Variants in NRP1 observed in about 807,000 individuals in gnomAD.
NRP1 encodes the protein neuropilin-1.
A neutral mutation model predicts 106.7 loss-of-function variants in NRP1; 35 were observed. The observed-to-expected ratio is 0.33, with a 90% CI of 0.25 to 0.43. NRP1 has a LOEUF of 0.43. Among genes scored for constraint, NRP1 ranks in the 20% least tolerant of loss-of-function variants. NRP1 has a pLI of 1.00. For missense variants in NRP1, 1,024 were observed against 1,170.4 expected (o/e 0.87, Z 1.83); for synonymous variants, 437 against 417.9 (o/e 1.05, Z -0.56).
intron 1 of NRP1, among the ~76,000 whole-genome samples, chr10:33,331,229 C>A (rs1001888764): frequency 6.6e-6 from 1 of 152,134 alleles, no homozygotes; most frequent in South Asian, 2.1e-4. Flanking sequence ...CTTAATTATC[C>A]CCCAAGAAGT....
chr10:33,233,786 T>C (rs1269667617), intron 6 of NRP1, among the ~76,000 whole-genome samples: 1 of 152,192 alleles, frequency 6.6e-6, no homozygotes, highest in Non-Finnish European at 1.5e-5. Flanking sequence ...GGATTTTCTT[T>C]GGGGCATCTC....
intron 4 of NRP1, among the ~76,000 whole-genome samples, chr10:33,257,677 A>G (rs1842291482): frequency 6.6e-6 from 1 of 152,126 alleles, no homozygotes; most frequent in Non-Finnish European, 1.5e-5. Flanking sequence ...AACTGGCCAC[A>G]CCTTTGTTGA....
At position 33,216,474 on chromosome 10, in the gene NRP1, G is replaced by C. The variant is rs1838784531; in HGVS notation, c.1283-2757C>G. Reference sequence around the variant, plus strand: ...CTTTTTTTTAATTTTTATTTTTAGAGACAGGGTCTCACTCTGTCACCCAGG... The same window carrying C: ...CTTTTTTTTAATTTTTATTTTTAGACACAGGGTCTCACTCTGTCACCCAGG... On this transcript the variant is annotated intron_variant, in intron 8 of 16. Transcript: ENST00000374867. Among the ~76,000 whole-genome samples, 5 of 151,038 alleles carry C rather than the reference G, an allele frequency of 3.3e-5. No homozygotes were observed. In the South Asian group the frequency reaches 1.1e-3, roughly 32 times the overall value.
chr10:33,192,592 T>C (rs554717084), intron 12 of NRP1, among the ~76,000 whole-genome samples, 174 bp from the exon 13 acceptor site: 1 of 152,142 alleles, frequency 6.6e-6, no homozygotes, highest in African/African-American at 2.4e-5. Context: ...TGCATGGAGA[T>C]GTCAAAATGT....
intron 6 of NRP1, among the ~76,000 whole-genome samples, chr10:33,235,929 C>T (rs1285710572): frequency 6.6e-6 from 1 of 152,178 alleles, no homozygotes; most frequent in African/African-American, 2.4e-5. Flanking sequence ...TGTTAACTTG[C>T]AGATGAATAC....
At chr10:33,299,003 C>A (rs1421717193) in intron 2 of NRP1, among the ~76,000 whole-genome samples, 1 of 152,166 alleles carries the variant, frequency 6.6e-6, no homozygotes, top group Non-Finnish European at 1.5e-5. Flanking sequence ...TACTTTGCTG[C>A]ATAAGCTTGG....
chr10:33,242,064 A>G (rs1325475819), intron 6 of NRP1, among the ~76,000 whole-genome samples: 2 of 152,212 alleles, frequency 1.3e-5, no homozygotes, highest in Non-Finnish European at 2.9e-5. Flanking sequence ...GGACTACTGT[A>G]TTACAGAAGT....
At chr10:33,297,247 T>C (rs1232386519) in intron 2 of NRP1, among the ~76,000 whole-genome samples, 2 of 152,202 alleles carry the variant, frequency 1.3e-5, no homozygotes, top group African/African-American at 2.4e-5. Context: ...TTGGAACCTA[T>C]GAGTTGGTAG....
intron 4 of NRP1, among the ~76,000 whole-genome samples, chr10:33,256,868 T>G (rs1842230302): frequency 6.6e-6 from 1 of 152,190 alleles, no homozygotes; most frequent in Admixed American, 6.5e-5. Flanking sequence ...GTTTCTGAGT[T>G]ACCCGTCCTC....
chr10:33,327,471 C>T (rs1847970108), intron 2 of NRP1, among the ~76,000 whole-genome samples: 1 of 152,126 alleles, frequency 6.6e-6, no homozygotes, highest in Non-Finnish European at 1.5e-5. Context: ...AGAGTGATAA[C>T]TAAAAGCTCA....
At chr10:33,208,381 C>T (rs1252144980) in intron 9 of NRP1, among the ~76,000 whole-genome samples, 1 of 152,130 alleles carries the variant, frequency 6.6e-6, no homozygotes, top group Non-Finnish European at 1.5e-5. Context: ...GAAGTGTGTT[C>T]CTAGCTTGAA....
At chr10:33,285,656 C>T (rs1049745642) in intron 2 of NRP1, among the ~76,000 whole-genome samples, 6 of 152,106 alleles carry the variant, frequency 3.9e-5, no homozygotes, top group Middle Eastern at 3.4e-3. Context: ...ATGGTGAAAC[C>T]GCGTATCTAC....
intron 7 of NRP1, among the ~76,000 whole-genome samples, chr10:33,224,562 T>TA (rs397701176): frequency 6.6e-6 from 1 of 151,840 alleles, no homozygotes; most frequent in East Asian, 1.9e-4. Flanking sequence ...TTTTTTTTTT[T>TA]CTTCAACCTT....
intron 2 of NRP1, among the ~76,000 whole-genome samples, chr10:33,319,552 T>A (rs9418057): frequency 2.0e-5 from 3 of 149,158 alleles, no homozygotes; most frequent in East Asian, 4.0e-4. Context: ...CTCTTTGCGG[T>A]GGTGCCATCT....
chr10:33,322,297 T>A (rs1490749753), intron 2 of NRP1, among the ~76,000 whole-genome samples: 1 of 152,194 alleles, frequency 6.6e-6, no homozygotes, highest in African/African-American at 2.4e-5. Context: ...TTAAACTCCA[T>A]CAACAAAAAG....
chr10:33,271,001 G>GAAA (rs889558196), intron 2 of NRP1, 145 bp from the exon 3 acceptor site: 1 of 589,424 alleles, frequency 1.7e-6, no homozygotes, highest in Non-Finnish European at 2.8e-6. Flanking sequence ...TAAATGGAGG[G>GAAA]AAAAAAAAGT....
At chr10:33,251,541 T>G (rs1003588990) in intron 6 of NRP1, among the ~76,000 whole-genome samples, 2 of 152,196 alleles carry the variant, frequency 1.3e-5, no homozygotes, top group African/African-American at 4.8e-5. Context: ...CTCTAGTTTT[T>G]GGGGTTTGAG....
intron 8 of NRP1, among the ~76,000 whole-genome samples, chr10:33,219,189 A>G (rs1839024871): frequency 6.6e-6 from 1 of 152,172 alleles, no homozygotes; most frequent in Non-Finnish European, 1.5e-5. Flanking sequence ...CACTTAGTTT[A>G]AGCCAGGGGT....
intron 2 of NRP1, among the ~76,000 whole-genome samples, chr10:33,303,891 G>A (rs1845969696): frequency 1.3e-5 from 2 of 152,242 alleles, no homozygotes; most frequent in East Asian, 3.9e-4. Context: ...CTATGATACT[G>A]GCATATGATA....
Sources: allele counts gnomAD v4.1 joint callset (sites outside exome capture counted in the v4.1 genomes callset), GRCh38; gene constraint gnomAD v4.1.1; transcripts MANE v1.5; gene names NCBI Gene and HGNC (gene_info 2026-07-23, HGNC 2026-07-21).